The following CDH4 variants were observed in gnomAD, a reference collection of about 807,000 sequenced individuals.
CDH4 encodes cadherin-4.
In CDH4, 33 loss-of-function variants were observed where a neutral mutation model predicts 86.0. The observed-to-expected ratio is 0.38, with a 90% CI of 0.29 to 0.51. The LOEUF (loss-of-function observed/expected upper bound fraction) is 0.51. CDH4 is among the 20% of genes least tolerant of loss of function. The probability of loss-of-function intolerance (pLI) is 0.86; values close to 1 mark genes in which losing one functional copy is unlikely to be tolerated. For synonymous variants in CDH4, 555 were observed against 549.4 expected, an observed-to-expected ratio of 1.01 and a Z score of -0.14; for missense variants, 1,114 against 1,307.4, an observed-to-expected ratio of 0.85 and a Z score of 2.28.
chr20:61,698,174 C>T (rs934187917), intron 2 of CDH4, among the ~76,000 whole-genome samples: 4 of 152,308 alleles, frequency 2.6e-5, no homozygotes, highest in South Asian at 2.1e-4. Flanking sequence ...GGCTCCACTC[C>T]GGACGGTCCC....
chr20:61,310,291 C>A (rs773932365), intron 2 of CDH4, among the ~76,000 whole-genome samples: 7 of 152,144 alleles, frequency 4.6e-5, no homozygotes, highest in Non-Finnish European at 7.3e-5. Flanking sequence ...GCTCATGCTG[C>A]CATACTAAGT....
chr20:61,263,343 G>C (rs939195850), intron 2 of CDH4, among the ~76,000 whole-genome samples: 1 of 152,164 alleles, frequency 6.6e-6, no homozygotes, highest in Non-Finnish European at 1.5e-5. Context: ...TTAAACAAAA[G>C]AGAACAAACC....
intron 8 of CDH4, among the ~76,000 whole-genome samples, chr20:61,904,660 G>A (rs1257526912): frequency 2.0e-5 from 3 of 152,180 alleles, no homozygotes; most frequent in East Asian, 1.9e-4. Context: ...CCTGAAGAAC[G>A]GGCTCCCTCC....
intron 2 of CDH4, among the ~76,000 whole-genome samples, chr20:61,258,674 G>T (rs1366903926): frequency 6.6e-6 from 1 of 152,226 alleles, no homozygotes; most frequent in African/African-American, 2.4e-5. Context: ...GCAGACATAG[G>T]TGGTCACATG....
rs1004756433 is a variant in CDH4 at position 61,663,196 on chromosome 20, G to A, written c.170-80367G>A. 7.9e-5 allele frequency among the ~76,000 whole-genome samples: 12 copies of A among 152,224 alleles called. No homozygotes were observed. Among genetic ancestry groups the A allele is most frequent in the African/African-American group, 2.9e-4 (12 of 41,460 alleles). On this transcript the variant is annotated intron_variant, in intron 2 of 15. Coordinates refer to ENST00000614565, the MANE Select transcript of CDH4 (RefSeq NM_001794.5). This position sits in a 1 kb window ranked among gnomAD's most constrained non-coding sequence, Gnocchi z 5.0. ...CATGAGTGTCCACGCCTCCGTGTGT[G>A]GACTGATGAGGTAAACGTTCTGTGA...
chr20:61,270,759 G>T (rs2084179130), intron 2 of CDH4, among the ~76,000 whole-genome samples: 1 of 152,214 alleles, frequency 6.6e-6, no homozygotes, highest in Non-Finnish European at 1.5e-5. Context: ...CTTCGTAAAT[G>T]GTAGTGGGGT....
rs187139006 is a variant in CDH4 at position 61,567,913 on chromosome 20, C to T, written c.170-175650C>T. Among the ~76,000 whole-genome samples, 427 of 152,208 alleles carry T rather than the reference C, an allele frequency of 2.8e-3. 2 individuals carry two copies. Among genetic ancestry groups the T allele is most frequent in the Admixed American group, 0.015 (230 of 15,298 alleles). On this transcript the variant is annotated intron_variant, in intron 2 of 15. Transcript: ENST00000614565. ...CCTTGAGCCCAGGAGTTCAAGGCTA[C>T]AGTGAGCTATGATTGCACCACTGTA... is the stretch of plus-strand genomic sequence containing the variant.
chr20:61,299,271 G>A (rs945566575), intron 2 of CDH4, among the ~76,000 whole-genome samples: 5 of 152,100 alleles, frequency 3.3e-5, no homozygotes, highest in Admixed American at 6.5e-5. Flanking sequence ...CCGCAGACAG[G>A]AGCCCCGGGG....
chr20:61,834,202 G>A (rs765272004), intron 4 of CDH4, among the ~76,000 whole-genome samples: 1 of 152,188 alleles, frequency 6.6e-6, no homozygotes, highest in Non-Finnish European at 1.5e-5. Context: ...CCTCCTTCTC[G>A]GGCCTGACTC....
chr20:61,929,862 A>T lies in CDH4; in HGVS notation c.2239+20A>T. On this transcript the variant is annotated intron_variant, in intron 13 of 15. Coordinates refer to ENST00000614565, the MANE Select transcript of CDH4 (RefSeq NM_001794.5). ...TGCTGAGTGAGTGTGGCTGAGCACC[A>T]GGGTGGGCAGGGGCATTGTGGGTAT... The T allele has an allele frequency of 3.1e-6, 5 of 1,596,664 alleles. No homozygotes were observed. Among genetic ancestry groups the T allele is most frequent in the Non-Finnish European group, 4.3e-6 (5 of 1,164,938 alleles).
At chr20:61,649,083 C>T (rs2087094506) in intron 2 of CDH4, among the ~76,000 whole-genome samples, 1 of 152,258 alleles carries the variant, frequency 6.6e-6, no homozygotes, top group South Asian at 2.1e-4. Flanking sequence ...GCTCTGCCTT[C>T]AGCATGAGCT....
At position 61,530,973 on chromosome 20, in the gene CDH4, A is replaced by C. The variant is rs568529290; in HGVS notation, c.170-212590A>C. Among the ~76,000 whole-genome samples the C allele has an allele frequency of 2.4e-4, 37 of 152,064 alleles. 1 individual carries two copies. The South Asian group carries it at 7.3e-3, about 30-fold the overall frequency. On this transcript the variant is annotated intron_variant, in intron 2 of 15. Transcript: ENST00000614565. ...CAACTAATATCTATGCCAATAGTTCATCTCTAGGCCCCCAGATGGGTGGGC... is the reference window on the plus strand; with the variant it reads ...CAACTAATATCTATGCCAATAGTTCCTCTCTAGGCCCCCAGATGGGTGGGC...
chr20:61,579,741 A>G (rs2086411489), intron 2 of CDH4, among the ~76,000 whole-genome samples: 1 of 152,156 alleles, frequency 6.6e-6, no homozygotes, highest in Non-Finnish European at 1.5e-5. Flanking sequence ...GTGGAGTTGG[A>G]TTGAGCTACG....
intron 2 of CDH4, among the ~76,000 whole-genome samples, chr20:61,291,221 G>T (rs1266888419): frequency 2.0e-5 from 3 of 152,222 alleles, no homozygotes; most frequent in South Asian, 4.1e-4. Context: ...GCCTCCAAAA[G>T]ATATGTGCAC....
At chr20:61,289,449 G>T (rs552396455) in intron 2 of CDH4, among the ~76,000 whole-genome samples, 2 of 152,314 alleles carry the variant, frequency 1.3e-5, no homozygotes, top group South Asian at 2.1e-4. Flanking sequence ...TGCCACCAGC[G>T]CATGCCAACA....
In CDH4 at chr20:61,517,761, A is replaced by G. The variant is rs748104791; in HGVS notation, c.170-225802A>G. Among the ~76,000 whole-genome samples, 1 of 152,158 alleles carries G rather than the reference A, an allele frequency of 6.6e-6. No individual in the cohort carries two copies. The highest frequency in any genetic ancestry group is 1.5e-5 in the Non-Finnish European group (1 of 68,014). On this transcript the variant is annotated intron_variant, in intron 2 of 15. Transcript: ENST00000614565. This position sits in a 1 kb window ranked among gnomAD's most constrained non-coding sequence, Gnocchi z 6.6. ...ACCATTCGTCTTATTCTTGTCAGCT[A>G]TTATATGTCTGATTTTATGGTTTTC...
intron 2 of CDH4, among the ~76,000 whole-genome samples, chr20:61,531,732 C>T (rs987451377): frequency 3.3e-5 from 5 of 152,140 alleles, no homozygotes; most frequent in African/African-American, 9.7e-5. Flanking sequence ...GCAGGGGCCA[C>T]GGATTGGCTT....
At chr20:61,425,339 G>A (rs1335812213) in intron 2 of CDH4, among the ~76,000 whole-genome samples, 1 of 152,112 alleles carries the variant, frequency 6.6e-6, no homozygotes, top group East Asian at 1.9e-4. Context: ...TCGACACTAG[G>A]ACGTTCAGTG....
intron 2 of CDH4, among the ~76,000 whole-genome samples, chr20:61,548,476 C>A (rs780825531): frequency 1.3e-5 from 2 of 149,746 alleles, no homozygotes; most frequent in Non-Finnish European, 3.0e-5. Flanking sequence ...CAGTTCCCCG[C>A]CCCCCCATTA....
Sources: gnomAD v4.1 joint callset for allele counts (sites outside exome capture counted in the v4.1 genomes callset) on GRCh38, gnomAD v4.1.1 for gene constraint, Gnocchi (gnomAD v3.1) non-coding constraint, MANE v1.5 for transcripts, NCBI Gene and HGNC (gene_info 2026-07-23, HGNC 2026-07-21) for gene names.